The following ROBO2 variants were observed in gnomAD, a reference collection of about 807,000 sequenced individuals.
ROBO2 encodes the protein roundabout homolog 2.
Under a neutral mutation model 160.8 loss-of-function variants are expected in ROBO2, and 53 were observed. The observed-to-expected ratio is 0.33, with a 90% CI of 0.26 to 0.41. The LOEUF is 0.41. Among genes scored for constraint, ROBO2 ranks in the 10% least tolerant of loss-of-function variants. The pLI is 1.00. For synonymous variants in ROBO2, 664 were observed against 611.7 expected (o/e 1.09, Z -1.26); for missense variants, 1,577 against 1,722.4 (o/e 0.92, Z 1.49).
At chr3:76,331,305 C>A (rs972845894) in intron 2 of ROBO2, among the ~76,000 whole-genome samples, 5 of 152,064 alleles carry the variant, frequency 3.3e-5, no homozygotes, top group Non-Finnish European at 7.4e-5. Context: ...ATTTAGCATT[C>A]ATAAATATCA....
chr3:76,671,697 T>C (rs993734421), intron 2 of ROBO2, among the ~76,000 whole-genome samples: 1 of 152,082 alleles, frequency 6.6e-6, no homozygotes, highest in Admixed American at 6.6e-5. Context: ...TATATAAATA[T>C]TTCATTTAGA....
At chr3:77,306,610 C>A (rs2063116373) in intron 2 of ROBO2, among the ~76,000 whole-genome samples, 1 of 152,008 alleles carries the variant, frequency 6.6e-6, no homozygotes, top group Non-Finnish European at 1.5e-5. Flanking sequence ...TTCTAGAAAC[C>A]AAATTCAATT....
chr3:77,008,948 T>C (rs1244359486), intron 2 of ROBO2, among the ~76,000 whole-genome samples: 1 of 152,192 alleles, frequency 6.6e-6, no homozygotes, highest in Non-Finnish European at 1.5e-5. Flanking sequence ...GTATAGACTA[T>C]TGTTTATTTT....
intron 1 of ROBO2, among the ~76,000 whole-genome samples, chr3:77,095,556 C>T (rs2070929028): frequency 6.6e-6 from 1 of 152,046 alleles, no homozygotes; most frequent in Non-Finnish European, 1.5e-5. Context: ...ATGTAGGTTA[C>T]TGTGCATAGG....
chr3:75,948,551 C>T (rs1948412277), intron 2 of ROBO2, among the ~76,000 whole-genome samples: 1 of 152,074 alleles, frequency 6.6e-6, no homozygotes, highest in Admixed American at 6.6e-5. Context: ...CGTGGTTTCT[C>T]ACATGGACTA....
chr3:77,429,859 G>T (rs186856635), intron 2 of ROBO2, among the ~76,000 whole-genome samples: 3 of 152,080 alleles, frequency 2.0e-5, no homozygotes, highest in African/African-American at 7.2e-5. Context: ...ACACCTTACG[G>T]TCTCTTAGCT....
intron 2 of ROBO2, among the ~76,000 whole-genome samples, chr3:77,020,290 TA>T (rs1211977911): frequency 6.6e-6 from 1 of 152,134 alleles, no homozygotes; most frequent in African/African-American, 2.4e-5. Context: ...ATTTATCAAA[TA>T]TTTGGAAGGA....
rs1703525734 is a variant in ROBO2 at position 76,216,330 on chromosome 3, T to C, written c.109+278728T>C. ...TAACAATACTAACCTTAAATGTAAA[T>C]GGACTAAATACTCCAATTAAAAGAC... is the stretch of plus-strand genomic sequence containing the variant. On this transcript the variant is annotated intron_variant, in intron 2 of 26. Coordinates refer to the ROBO2 transcript ENST00000487694. Among the ~76,000 whole-genome samples, 3 of 152,156 alleles carry C rather than the reference T, an allele frequency of 2.0e-5. No individual in the cohort carries two copies. The South Asian group carries it at 6.2e-4, about 31-fold the overall frequency.
chr3:76,427,608 A>G (rs924329931), intron 2 of ROBO2, among the ~76,000 whole-genome samples: 1 of 152,222 alleles, frequency 6.6e-6, no homozygotes, highest in South Asian at 2.1e-4. Flanking sequence ...TACATTACCA[A>G]TTCACTAAAA....
intron 1 of ROBO2, among the ~76,000 whole-genome samples, chr3:77,054,262 C>G (rs1031744191): frequency 2.0e-5 from 3 of 152,232 alleles, no homozygotes; most frequent in African/African-American, 7.2e-5. Flanking sequence ...TACAGCAAAG[C>G]CCATGTTTGT....
rs781534361 is a variant in ROBO2, at chr3:77,384,415, A to G, written c.389-92999A>G. Reference sequence around the variant, plus strand: ...TTTGAACAAATGTTGTTTTTCTTCAATGTTATTTATCTTTAAAAAAAGTCC... The same window carrying G: ...TTTGAACAAATGTTGTTTTTCTTCAGTGTTATTTATCTTTAAAAAAAGTCC... On this transcript the variant is annotated intron_variant, in intron 2 of 25. Transcript: ENST00000461745. Among the ~76,000 whole-genome samples the G allele has an allele frequency of 1.2e-4, 18 of 152,240 alleles. 1 individual carries two copies. The highest frequency in any genetic ancestry group is 3.4e-3 in the Middle Eastern group (1 of 294).
At chr3:77,239,293 C>G (rs569431234) in intron 2 of ROBO2, among the ~76,000 whole-genome samples, 1 of 152,202 alleles carries the variant, frequency 6.6e-6, no homozygotes, top group Non-Finnish European at 1.5e-5. Context: ...TGTTGCAGCT[C>G]TTAAGGCAGC....
intron 2 of ROBO2, among the ~76,000 whole-genome samples, chr3:77,363,032 A>T (rs150673199): frequency 3.5e-4 from 53 of 152,280 alleles, no homozygotes; most frequent in African/African-American, 1.2e-3. Flanking sequence ...GTCAAACCAT[A>T]TCAAACAGGT....
intron 2 of ROBO2, among the ~76,000 whole-genome samples, chr3:77,365,001 A>C (rs9879708): frequency 0.41 from 61,527 of 151,574 alleles, 13,203 homozygotes; most frequent in East Asian, 0.71. Flanking sequence ...AAAAATTAGC[A>C]AGGCATGGTG....
chr3:77,490,049 G>A (rs947271262), intron 4 of ROBO2, among the ~76,000 whole-genome samples: 32 of 151,240 alleles, frequency 2.1e-4, no homozygotes, highest in African/African-American at 7.5e-4. Flanking sequence ...TTTTAATGTC[G>A]GCATGCCCGT....
intron 8 of ROBO2, among the ~76,000 whole-genome samples, chr3:77,556,805 C>A (rs1045987837): frequency 4.0e-5 from 6 of 151,748 alleles, no homozygotes; most frequent in African/African-American, 1.4e-4. Context: ...CATATATATT[C>A]TTTTATATAC....
intron 2 of ROBO2, among the ~76,000 whole-genome samples, chr3:77,344,675 G>C: frequency 6.6e-6 from 1 of 152,024 alleles, no homozygotes; most frequent in Non-Finnish European, 1.5e-5. Flanking sequence ...TTTTGTTATA[G>C]CAGCCCAAAT....
intron 6 of ROBO2, among the ~76,000 whole-genome samples, chr3:77,530,797 G>A (rs546060466): frequency 1.3e-3 from 192 of 152,058 alleles, no homozygotes; most frequent in Middle Eastern, 6.8e-3. Context: ...AAAGTACATC[G>A]TAGGATGTAG....
chr3:77,138,009 A>C (rs866742591), intron 2 of ROBO2, among the ~76,000 whole-genome samples: 1 of 145,890 alleles, frequency 6.9e-6, no homozygotes. Context: ...TGTAATATAA[A>C]GATTGCTCTG....
Sources: allele counts gnomAD v4.1 joint callset (sites outside exome capture counted in the v4.1 genomes callset), GRCh38; gene constraint gnomAD v4.1.1; transcripts MANE v1.5; gene names NCBI Gene and HGNC (gene_info 2026-07-23, HGNC 2026-07-21).